Variants in CEP120 observed in about 807,000 individuals in gnomAD.
CEP120 encodes the protein centrosomal protein 120, also known as centrosomal protein of 120 kDa.
In CEP120, 113 loss-of-function variants were observed where a neutral mutation model predicts 126.5. The ratio of observed to expected loss-of-function variants is 0.89; its 90% CI spans 0.77 to 1.04. The LOEUF is 1.04. Among genes scored for constraint, CEP120 ranks in the 50% least tolerant of loss-of-function variants. The pLI is 0.00. For missense variants in CEP120, 1,230 were observed against 1,155.7 expected (o/e 1.06, Z -0.93); for synonymous variants, 400 against 394.3 (o/e 1.01, Z -0.17).
At position 123,423,058 on chromosome 5, in the gene CEP120, C is replaced by G. The variant is rs1281007980; in HGVS notation, c.-60G>C. ...GGGGGGAAGTGAGGTCCAGTTGAGT[C>G]GCGGGTAATCCGGGACCCCCGGCGG... is the stretch of plus-strand genomic sequence containing the variant. On this transcript the variant is annotated 5_prime_UTR_variant, in exon 1 of 20. Transcript: ENST00000306467. 12 of 1,458,892 alleles carry G rather than the reference C, an allele frequency of 8.2e-6. No homozygotes were observed. In the East Asian group the frequency reaches 2.7e-4, roughly 33 times the overall value. 90.4% of individuals were successfully genotyped at this position (1,458,892 alleles called of 1,614,324 possible). A position where few individuals can be genotyped will look rare whatever the true frequency, so the allele number is the denominator to read the frequency against.
rs202020723 is a variant in CEP120, at chr5:123,386,671, G to GA, written c.1431-5dup. On this transcript the variant is annotated splice_polypyrimidine_tract_variant and splice_region_variant and intron_variant, in intron 9 of 19. Coordinates refer to ENST00000306467, the MANE Select transcript of CEP120 (RefSeq NM_001375405.1). ...TCCAAAGAATGGATATGAGTACCTA[G>GA]AATTTAAAAAAAAAAAAAAAAAAAA... 2.7e-4 allele frequency: 89 copies of GA among 325,888 alleles called. 1 individual carries two copies. In the African/African-American group the frequency reaches 5.0e-3, roughly 18 times the overall value. 20.2% of individuals were successfully genotyped at this position (325,888 alleles called of 1,614,324 possible). A position where few individuals can be genotyped will look rare whatever the true frequency, so the allele number is the denominator to read the frequency against.
Position 123,423,194 on chromosome 5 carries a change from A to T in CEP120, c.-196T>A. 1.7e-6 allele frequency: 1 copy of T among 598,400 alleles called. No individual in the cohort carries two copies. The highest frequency in any genetic ancestry group is 2.0e-5 in the South Asian group (1 of 51,232). 37.1% of individuals were successfully genotyped at this position (598,400 alleles called of 1,614,324 possible). Reference sequence around the variant, plus strand: ...CTCCTCTGCCTCGGGCCGCCAGCCCAGATCCTAACTGTGCCCCGACTCAAG... The same window carrying T: ...CTCCTCTGCCTCGGGCCGCCAGCCCTGATCCTAACTGTGCCCCGACTCAAG... On this transcript the variant is annotated 5_prime_UTR_variant, in exon 1 of 20. Transcript: ENST00000306467.
At chr5:123,399,359 T>C (rs1365116559) in intron 4 of CEP120, 75 bp from the exon 5 acceptor site, 2 of 1,391,418 alleles carry the variant, frequency 1.4e-6, no homozygotes, top group Admixed American at 1.9e-5. Flanking sequence ...AAACTGATTA[T>C]ATTTTGTAAT....
intron 2 of CEP120, among the ~76,000 whole-genome samples, chr5:123,417,766 C>T (rs572253676): frequency 1.3e-4 from 19 of 151,464 alleles, no homozygotes; most frequent in African/African-American, 4.6e-4. Flanking sequence ...AAAGCTTAGG[C>T]TCTGAAGCTG....
chr5:123,389,961 A>T lies in CEP120; in HGVS notation c.1218T>A (p.Ser406Arg), dbSNP rs1406003671. 2 of 1,614,088 alleles carry T rather than the reference A, an allele frequency of 1.2e-6. No individual in the cohort carries two copies. Among genetic ancestry groups the T allele is most frequent in the Non-Finnish European group, 1.7e-6 (2 of 1,179,992 alleles). Reference protein sequence around the residue: ...KDDATESEVESLQYDKDTKPN... With the variant: ...KDDATESEVERLQYDKDTKPN... ...GTTTGGTGTCCTTATCATACTGTAA[A>T]CTTTCCACTTCACTTTCTGTTGCAT... The change falls in exon 8 of 20, where the codon AGT (serine) becomes AGA (arginine). Residue 406 changes from serine to arginine, a missense_variant. Physicochemically the swap from Ser to Arg is moderately radical, Grantham distance 110 (BLOSUM62 -1). Transcript: ENST00000306467.
chr5:123,402,113 G>A (rs1773289957), intron 4 of CEP120: 11 of 1,577,044 alleles, frequency 7.0e-6, no homozygotes, highest in African/African-American at 1.3e-5. Context: ...CCACCTCCAG[G>A]ACAAGGGGGC....
At chr5:123,422,410 A>T in intron 1 of CEP120, 1 of 1,076,100 alleles carries the variant, frequency 9.3e-7, no homozygotes, top group Non-Finnish European at 1.4e-6. Context: ...CATTCCCAGC[A>T]CAGTGTCTGA....
intron 6 of CEP120, among the ~76,000 whole-genome samples, chr5:123,392,457 T>A (rs918830968): frequency 1.3e-5 from 2 of 152,202 alleles, no homozygotes; most frequent in African/African-American, 4.8e-5. Flanking sequence ...CTATTTCAGT[T>A]TGATCAAAAG....
intron 5 of CEP120, among the ~76,000 whole-genome samples, chr5:123,395,989 C>CT (rs67492630): frequency 0.055 from 7,083 of 129,926 alleles, 300 homozygotes; most frequent in African/African-American, 0.11. Context: ...GTCTCCATTC[C>CT]TTTTTTTTTT....
intron 8 of CEP120, among the ~76,000 whole-genome samples, chr5:123,389,358 T>C (rs531141833): frequency 6.6e-6 from 1 of 152,322 alleles, no homozygotes; most frequent in East Asian, 1.9e-4. Flanking sequence ...TTGCAAAAAC[T>C]ATATTATTTA....
At chr5:123,396,463 C>T (rs1772798562) in intron 5 of CEP120, among the ~76,000 whole-genome samples, 1 of 151,674 alleles carries the variant, frequency 6.6e-6, no homozygotes, top group African/African-American at 2.4e-5. Flanking sequence ...AGTAATTTGT[C>T]CCAGTAATTC....
At chr5:123,374,890 TA>T (rs974959876) in intron 16 of CEP120, among the ~76,000 whole-genome samples, 28 of 152,160 alleles carry the variant, frequency 1.8e-4, no homozygotes, top group African/African-American at 5.8e-4. Flanking sequence ...AGCAGTAAGC[TA>T]TTAAGGCATG....
intron 4 of CEP120, among the ~76,000 whole-genome samples, chr5:123,410,641 G>T (rs1773997300): frequency 6.6e-6 from 1 of 152,178 alleles, no homozygotes. Context: ...CATGCAAAAA[G>T]TGAGTCTAGA....
chr5:123,377,554 T>G lies in CEP120; in HGVS notation c.2197-19A>C, dbSNP rs1156471589. On this transcript the variant is annotated intron_variant, in intron 15 of 19. Transcript: ENST00000306467. ...TTTGAAGCTTAAAACAAAGGCATCT[T>G]TAAGAGGTTGGTTTATTGCTAGCTG... 6.4e-7 allele frequency: 1 copy of G among 1,565,038 alleles called. No homozygotes were observed. The highest frequency in any genetic ancestry group is 8.6e-7 in the Non-Finnish European group (1 of 1,165,884).
chr5:123,390,210 C>T, intron 7 of CEP120, 70 bp from the exon 8 acceptor site: 1 of 1,127,736 alleles, frequency 8.9e-7, no homozygotes, highest in South Asian at 1.4e-5. Flanking sequence ...AAAAACTTGG[C>T]ATTGTTTTTT....
At chr5:123,395,311 A>G (rs77179958) in intron 5 of CEP120, among the ~76,000 whole-genome samples, 4,625 of 152,178 alleles carry the variant, frequency 0.03, 240 homozygotes, top group African/African-American at 0.1. Flanking sequence ...TCCAAACTCA[A>G]TCCTCCATTC....
Position 123,399,276 on chromosome 5 carries a change from T to G in CEP120, c.472A>C (p.Ile158Leu). ...TCCCTGGGGTCAAGTCCAGCCAGGA[T>G]GGCAGGTACTTTACAGAGAAAAACA... ...APPRDGKVPA[I>L]LAGLDPRDIV... The change falls in exon 5 of 20, where the codon ATC (isoleucine) becomes CTC (leucine). Residue 158 changes from isoleucine to leucine, a missense_variant. By Grantham distance (5) the Ile-to-Leu change is conservative (BLOSUM62 2). Transcript: ENST00000306467. 6 of 1,614,066 alleles carry G rather than the reference T, an allele frequency of 3.7e-6. No individual in the cohort carries two copies. Among genetic ancestry groups the G allele is most frequent in the Non-Finnish European group, 5.1e-6 (6 of 1,179,936 alleles).
intron 14 of CEP120, among the ~76,000 whole-genome samples, chr5:123,379,190 G>T (rs1225763397): frequency 6.6e-6 from 1 of 152,072 alleles, no homozygotes; most frequent in Non-Finnish European, 1.5e-5. Flanking sequence ...GTAGGATTGT[G>T]AGCAGCCGTG....
intron 3 of CEP120, among the ~76,000 whole-genome samples, chr5:123,413,837 T>C (rs1251888209): frequency 2.6e-5 from 4 of 152,228 alleles, no homozygotes; most frequent in Non-Finnish European, 5.9e-5. Flanking sequence ...TAATTTTGAA[T>C]ATAAGCCTGA....
Sources: gnomAD v4.1 joint callset for allele counts (sites outside exome capture counted in the v4.1 genomes callset) on GRCh38, gnomAD v4.1.1 for gene constraint, MANE v1.5 for transcripts, NCBI Gene and HGNC (gene_info 2026-07-23, HGNC 2026-07-21) for gene names.